SPOCK3: variants seen among roughly 807,000 people sequenced by gnomAD.
The protein encoded by SPOCK3 is SPARC (osteonectin), cwcv and kazal like domains proteoglycan 3, also known as testican-3.
Under a neutral mutation model 56.6 loss-of-function variants are expected in SPOCK3, and 30 were observed. That is an observed-to-expected ratio of 0.53 (90% CI 0.40 to 0.72). The LOEUF is 0.72. Among genes scored for constraint, SPOCK3 ranks in the 30% least tolerant of loss-of-function variants. The probability of loss-of-function intolerance (pLI) is 0.00; values close to 1 mark genes in which losing one functional copy is unlikely to be tolerated. For missense variants in SPOCK3, 527 were observed against 530.0 expected, an observed-to-expected ratio of 0.99 and a Z score of 0.06; for synonymous variants, 196 against 183.3, an observed-to-expected ratio of 1.07 and a Z score of -0.56.
At chr4:166,913,885 CTTGCT>C (rs1561003185) in intron 4 of SPOCK3, among the ~76,000 whole-genome samples, 1 of 151,930 alleles carries the variant, frequency 6.6e-6, no homozygotes, top group African/African-American at 2.4e-5. Context: ...ACATTAAAAC[CTTGCT>C]TTGCTACAAA....
intron 4 of SPOCK3, among the ~76,000 whole-genome samples, chr4:166,951,351 C>T (rs1424027480): frequency 5.8e-5 from 8 of 136,886 alleles, no homozygotes; most frequent in Non-Finnish European, 9.3e-5. Flanking sequence ...ATAAATTCCT[C>T]GACACATACA....
intron 2 of SPOCK3, among the ~76,000 whole-genome samples, chr4:167,147,330 A>G (rs1425046628): frequency 6.6e-6 from 1 of 152,122 alleles, no homozygotes; most frequent in Non-Finnish European, 1.5e-5. Context: ...CTCCCAACCA[A>G]AAAAAGTCCA....
chr4:167,165,943 A>G (rs1008516702), intron 2 of SPOCK3, among the ~76,000 whole-genome samples: 1 of 152,106 alleles, frequency 6.6e-6, no homozygotes, highest in African/African-American at 2.4e-5. Context: ...CTTAAAAAAA[A>G]GAAAATCTTT....
At chr4:166,937,791 T>C (rs1426679052) in intron 4 of SPOCK3, among the ~76,000 whole-genome samples, 6 of 148,248 alleles carry the variant, frequency 4.0e-5, no homozygotes, top group African/African-American at 7.4e-5. Context: ...GGAGTGTCAC[T>C]CTGTCGCCCA....
chr4:167,101,326 C>A lies in SPOCK3; in HGVS notation c.190-38789G>T, dbSNP rs74916415. ...CACTAACTTTCTCCCTAATTATAAC[C>A]TTTTTTAGACTCGTTAGTCTCCCTA... On this transcript the variant is annotated intron_variant, in intron 2 of 10. Coordinates refer to ENST00000357545, the MANE Select transcript of SPOCK3 (RefSeq NM_001040159.2). 8.9e-3 allele frequency among the ~76,000 whole-genome samples: 1,346 copies of A among 152,084 alleles called. 17 individuals are homozygous for A. Among genetic ancestry groups the A allele is most frequent in the African/African-American group, 0.031 (1,268 of 41,490 alleles).
intron 4 of SPOCK3, among the ~76,000 whole-genome samples, chr4:166,986,793 G>A (rs547052339): frequency 2.0e-5 from 3 of 152,146 alleles, no homozygotes; most frequent in South Asian, 4.2e-4. Context: ...TATTTGTAAT[G>A]ATTTATTACA....
chr4:167,045,009 A>G (rs1753587451), intron 3 of SPOCK3, among the ~76,000 whole-genome samples: 1 of 151,996 alleles, frequency 6.6e-6, no homozygotes, highest in South Asian at 2.1e-4. Context: ...TAGTGGAGGG[A>G]TGTTGTCTCC....
chr4:166,762,040 G>T (rs1429508003), intron 7 of SPOCK3, among the ~76,000 whole-genome samples: 1 of 151,650 alleles, frequency 6.6e-6, no homozygotes, highest in African/African-American at 2.4e-5. Flanking sequence ...GTAATACAAA[G>T]GTAAAAGAGG....
At chr4:166,954,206 C>T (rs1009635601) in intron 4 of SPOCK3, among the ~76,000 whole-genome samples, 19 of 152,014 alleles carry the variant, frequency 1.2e-4, no homozygotes, top group Non-Finnish European at 2.2e-4. Flanking sequence ...GTATGTTAAC[C>T]CCTTATCAGT....
At chr4:166,776,434 CAACA>C (rs149730648) in intron 7 of SPOCK3, among the ~76,000 whole-genome samples, 4 of 151,528 alleles carry the variant, frequency 2.6e-5, no homozygotes, top group South Asian at 2.1e-4. Context: ...AACAAAAAAA[CAACA>C]AACAAACAAA....
At chr4:167,210,634 T>A (rs1196391970) in intron 2 of SPOCK3, among the ~76,000 whole-genome samples, 1 of 152,146 alleles carries the variant, frequency 6.6e-6, no homozygotes, top group Non-Finnish European at 1.5e-5. Flanking sequence ...ATGAAGAATG[T>A]TTGTTTTTGA....
chr4:166,747,043 T>C (rs1027142207), intron 8 of SPOCK3, among the ~76,000 whole-genome samples: 3 of 151,842 alleles, frequency 2.0e-5, no homozygotes, highest in Non-Finnish European at 4.4e-5. Context: ...ACAGCCAAAT[T>C]CTACCAGATG....
chr4:166,892,220 T>C (rs1734860773), intron 5 of SPOCK3, among the ~76,000 whole-genome samples: 2 of 151,962 alleles, frequency 1.3e-5, no homozygotes, highest in African/African-American at 4.8e-5. Context: ...ATAATTACAA[T>C]TTAAAATTTC....
chr4:167,224,177 A>C (rs1736360957), intron 2 of SPOCK3, among the ~76,000 whole-genome samples: 1 of 152,032 alleles, frequency 6.6e-6, no homozygotes, highest in Admixed American at 6.6e-5. Flanking sequence ...ATATTTTTTC[A>C]TTTTTATTAT....
chr4:166,769,854 C>A (rs1022371778), intron 7 of SPOCK3, among the ~76,000 whole-genome samples: 2 of 152,160 alleles, frequency 1.3e-5, no homozygotes, highest in African/African-American at 2.4e-5. Flanking sequence ...AGCTTCCTGG[C>A]AGCTTTGTTT....
intron 6 of SPOCK3, among the ~76,000 whole-genome samples, chr4:166,828,417 A>G (rs996762349): frequency 6.6e-6 from 1 of 151,936 alleles, no homozygotes; most frequent in East Asian, 1.9e-4. Context: ...TTGTTTGACT[A>G]TTTTCAGGGA....
At chr4:166,922,316 A>C (rs2149979297) in intron 4 of SPOCK3, among the ~76,000 whole-genome samples, 1 of 152,314 alleles carries the variant, frequency 6.6e-6, no homozygotes, top group East Asian at 1.9e-4. Context: ...TTTGTGGACA[A>C]AAAAGTAGGA....
chr4:166,837,184 C>G (rs1255294354), intron 6 of SPOCK3, among the ~76,000 whole-genome samples: 1 of 152,128 alleles, frequency 6.6e-6, no homozygotes, highest in Non-Finnish European at 1.5e-5. Flanking sequence ...CTTTAAGATT[C>G]TTGGCTGATT....
intron 4 of SPOCK3, among the ~76,000 whole-genome samples, chr4:166,926,470 G>A (rs920311912): frequency 2.6e-5 from 4 of 152,078 alleles, no homozygotes; most frequent in Admixed American, 6.5e-5. Flanking sequence ...TTCAGATCCC[G>A]CTTGAAATAA....
Sources: gnomAD v4.1 joint callset for allele counts (sites outside exome capture counted in the v4.1 genomes callset) on GRCh38, gnomAD v4.1.1 for gene constraint, MANE v1.5 for transcripts, NCBI Gene and HGNC (gene_info 2026-07-23, HGNC 2026-07-21) for gene names.